The following HECW1 variants were observed in gnomAD, a reference collection of about 807,000 sequenced individuals.
HECW1 encodes E3 ubiquitin-protein ligase HECW1.
In HECW1, 61 loss-of-function variants were observed where a neutral mutation model predicts 182.3. The observed-to-expected ratio is 0.33, with a 90% CI of 0.27 to 0.41. HECW1 has a LOEUF of 0.41. Ranked by LOEUF, HECW1 falls within the 10% of genes least tolerant of loss-of-function variation. The probability of loss-of-function intolerance (pLI) is 1.00; values close to 1 mark genes in which losing one functional copy is unlikely to be tolerated. For synonymous variants in HECW1, 859 were observed against 832.6 expected (o/e 1.03, Z -0.55); for missense variants, 1,739 against 2,108.9 (o/e 0.82, Z 3.44).
intron 2 of HECW1, among the ~76,000 whole-genome samples, chr7:43,175,558 C>T (rs1247194534): frequency 4.6e-5 from 7 of 152,284 alleles, no homozygotes; most frequent in Middle Eastern, 3.4e-3. Flanking sequence ...GTTTCCCTTA[C>T]GGTGCAGGTT....
At chr7:43,466,656 G>T in intron 15 of HECW1, 88 bp downstream of exon 15, 1 of 1,412,056 alleles carries the variant, frequency 7.1e-7, no homozygotes, top group Non-Finnish European at 9.5e-7. Flanking sequence ...ATCTAAAAGG[G>T]TAGAATTTTA....
At chr7:43,421,759 G>A (rs2076191003) in intron 8 of HECW1, among the ~76,000 whole-genome samples, 1 of 152,208 alleles carries the variant, frequency 6.6e-6, no homozygotes, top group Admixed American at 6.5e-5. Flanking sequence ...GCAATGGTAT[G>A]GCCAAACTGA....
At chr7:43,336,124 T>TTCTTTCTTTCTCTCTC (rs1313057919) in intron 5 of HECW1, among the ~76,000 whole-genome samples, 9 of 64,246 alleles carry the variant, frequency 1.4e-4, no homozygotes, top group African/African-American at 6.6e-4. Flanking sequence ...CTTTCTTTCT[T>TTCTTTCTTTCTCTCTC]TCTCTCTCTC....
chr7:43,490,883 G>A (rs1242997912), intron 17 of HECW1, among the ~76,000 whole-genome samples: 3 of 152,010 alleles, frequency 2.0e-5, no homozygotes, highest in Non-Finnish European at 4.4e-5. Flanking sequence ...TCAGCCTTCC[G>A]AGTAGCTAGG....
At chr7:43,347,787 T>C (rs927798862) in intron 5 of HECW1, among the ~76,000 whole-genome samples, 2 of 152,224 alleles carry the variant, frequency 1.3e-5, no homozygotes, top group Non-Finnish European at 2.9e-5. Flanking sequence ...TCATGTGATT[T>C]TGTTTTCAAT....
chr7:43,346,798 C>T (rs968734972), intron 5 of HECW1, among the ~76,000 whole-genome samples: 5 of 152,066 alleles, frequency 3.3e-5, no homozygotes, highest in Non-Finnish European at 7.4e-5. Context: ...GATCAGTTGG[C>T]TGTAAGTATT....
intron 2 of HECW1, among the ~76,000 whole-genome samples, chr7:43,147,829 G>A (rs1788879146): frequency 1.3e-5 from 2 of 152,142 alleles, no homozygotes; most frequent in Admixed American, 6.5e-5. Flanking sequence ...GCACCGTCTA[G>A]TTTATTTTCA....
intron 3 of HECW1, among the ~76,000 whole-genome samples, chr7:43,289,990 G>C (rs1008250257): frequency 2.0e-5 from 3 of 152,212 alleles, no homozygotes; most frequent in Non-Finnish European, 4.4e-5. Context: ...GGATAAAGCG[G>C]GTTGTGGAGG....
intron 3 of HECW1, among the ~76,000 whole-genome samples, chr7:43,287,114 AATGAACAATAAACTAACGGAGTGT>A (rs1429104872): frequency 6.6e-6 from 1 of 152,174 alleles, no homozygotes; most frequent in Non-Finnish European, 1.5e-5. Flanking sequence ...TGTGAGAGGA[AATGAACAATAAACTAACGGAGTGT>A]ATGTTTGTTT....
At chr7:43,330,023 C>A (rs1811270746) in intron 5 of HECW1, among the ~76,000 whole-genome samples, 1 of 152,002 alleles carries the variant, frequency 6.6e-6, no homozygotes, top group Non-Finnish European at 1.5e-5. Flanking sequence ...CATCGAGGAG[C>A]AAGAGGAAGA....
intron 8 of HECW1, among the ~76,000 whole-genome samples, chr7:43,411,884 T>C (rs979552283): frequency 3.3e-5 from 5 of 152,146 alleles, no homozygotes; most frequent in Admixed American, 2.0e-4. Flanking sequence ...CGGACTTAAT[T>C]TCATTTATTA....
At chr7:43,302,453 T>C (rs1806948852) in intron 3 of HECW1, among the ~76,000 whole-genome samples, 1 of 152,214 alleles carries the variant, frequency 6.6e-6, no homozygotes, top group African/African-American at 2.4e-5. Flanking sequence ...TATTGTGGGT[T>C]GGCTTTTGGA....
chr7:43,230,893 AT>A (rs1797825852), intron 2 of HECW1, among the ~76,000 whole-genome samples: 2 of 151,838 alleles, frequency 1.3e-5, no homozygotes, highest in Non-Finnish European at 2.9e-5. Flanking sequence ...TTTAAAAAAA[AT>A]AAATTAAAGC....
intron 3 of HECW1, among the ~76,000 whole-genome samples, chr7:43,258,275 G>A (rs964565479): frequency 4.9e-5 from 7 of 143,450 alleles, no homozygotes; most frequent in African/African-American, 9.9e-5. Flanking sequence ...CCTGGGAGGC[G>A]GAGGTTGCAG....
At chr7:43,227,991 C>A (rs1164759207) in intron 2 of HECW1, among the ~76,000 whole-genome samples, 4 of 152,140 alleles carry the variant, frequency 2.6e-5, no homozygotes, top group African/African-American at 9.7e-5. Context: ...CTATCACATG[C>A]TAGATGGGTG....
At chr7:43,505,026 T>C in intron 21 of HECW1, among the ~76,000 whole-genome samples, 1 of 152,168 alleles carries the variant, frequency 6.6e-6, no homozygotes, top group Non-Finnish European at 1.5e-5. Flanking sequence ...TTCAGTTTCC[T>C]TCTGGGACAC....
intron 8 of HECW1, among the ~76,000 whole-genome samples, chr7:43,423,971 C>T (rs2152859443): frequency 6.6e-6 from 1 of 152,278 alleles, no homozygotes; most frequent in East Asian, 1.9e-4. Context: ...CAGGTACAGA[C>T]AGAGCCAAAG....
intron 15 of HECW1, among the ~76,000 whole-genome samples, chr7:43,467,669 G>C (rs1697229162): frequency 6.6e-6 from 1 of 152,136 alleles, no homozygotes; most frequent in Admixed American, 6.5e-5. Context: ...TCTGACCTAA[G>C]GAAGGGGTGG....
intron 5 of HECW1, among the ~76,000 whole-genome samples, chr7:43,334,419 A>G (rs563973661): frequency 6.6e-6 from 1 of 152,348 alleles, no homozygotes; most frequent in Non-Finnish European, 1.5e-5. Flanking sequence ...TGTCTCATGT[A>G]TCACACGTTC....
Sources: gnomAD v4.1 joint callset for allele counts (sites outside exome capture counted in the v4.1 genomes callset) on GRCh38, gnomAD v4.1.1 for gene constraint, MANE v1.5 for transcripts, NCBI Gene and HGNC (gene_info 2026-07-23, HGNC 2026-07-21) for gene names.